Variants in PINX1 observed in about 807,000 individuals in gnomAD.
The protein encoded by PINX1 is PIN2/TERF1-interacting telomerase inhibitor 1.
PINX1 carries 34 observed loss-of-function variants against 25.4 expected under a neutral mutation model. That is an observed-to-expected ratio of 1.34 (90% CI 1.02 to 1.78). The LOEUF (loss-of-function observed/expected upper bound fraction) is 1.78, where lower values mean the gene tolerates loss of function less well. PINX1 is among the 40% of genes most tolerant of loss of function. The pLI is 0.00. For missense variants in PINX1, 592 were observed against 404.9 expected, an observed-to-expected ratio of 1.46 and a Z score of -3.97; for synonymous variants, 197 against 147.7, an observed-to-expected ratio of 1.33 and a Z score of -2.42.
At chr8:10,815,310 A>G (rs781054283) in intron 6 of PINX1, among the ~76,000 whole-genome samples, 19 of 152,226 alleles carry the variant, frequency 1.2e-4, no homozygotes, top group Non-Finnish European at 2.1e-4. Context: ...TTTCATAAAC[A>G]TGTCCTAGAA....
intron 6 of PINX1, among the ~76,000 whole-genome samples, chr8:10,789,164 C>T (rs570497139): frequency 1.2e-4 from 18 of 152,202 alleles, no homozygotes; most frequent in Non-Finnish European, 2.4e-4. Flanking sequence ...AAGACTCCCA[C>T]CTTCTCCAAG....
chr8:10,810,925 G>C (rs1029151934), intron 6 of PINX1, among the ~76,000 whole-genome samples: 8 of 152,218 alleles, frequency 5.3e-5, no homozygotes, highest in Non-Finnish European at 8.8e-5. Flanking sequence ...CACTCAGTAG[G>C]TTTATATTAA....
At chr8:10,822,065 A>G (rs1797895095) in intron 5 of PINX1, 1 of 152,242 alleles carries the variant, frequency 6.6e-6, no homozygotes, top group Non-Finnish European at 1.5e-5. Context: ...AGCCTTTAGC[A>G]AAGTTCACTT....
At chr8:10,786,803 C>T (rs1287417487) in intron 6 of PINX1, among the ~76,000 whole-genome samples, 1 of 152,238 alleles carries the variant, frequency 6.6e-6, no homozygotes. Context: ...TGCAGGCCAA[C>T]TCCCAGGAAC....
intron 4 of PINX1, among the ~76,000 whole-genome samples, chr8:10,831,396 T>G (rs533833568): frequency 1.3e-5 from 2 of 152,286 alleles, no homozygotes; most frequent in African/African-American, 4.8e-5. Context: ...CTATAATAAA[T>G]AATATTTTAT....
intron 6 of PINX1, among the ~76,000 whole-genome samples, chr8:10,791,807 G>C (rs1319394511): frequency 6.6e-6 from 1 of 152,156 alleles, no homozygotes; most frequent in African/African-American, 2.4e-5. Context: ...CACTGCGCGA[G>C]GCAAAGGACT....
At chr8:10,803,596 C>A (rs910636551) in intron 6 of PINX1, among the ~76,000 whole-genome samples, 4 of 152,138 alleles carry the variant, frequency 2.6e-5, no homozygotes, top group African/African-American at 9.7e-5. Flanking sequence ...AAGATTGCAT[C>A]TCTATAACTT....
intron 6 of PINX1, among the ~76,000 whole-genome samples, chr8:10,776,161 C>T (rs1271404472): frequency 6.6e-6 from 1 of 152,176 alleles, no homozygotes; most frequent in Non-Finnish European, 1.5e-5. Flanking sequence ...GGCGCTGGCT[C>T]ACACCTGTAA....
intron 6 of PINX1, among the ~76,000 whole-genome samples, chr8:10,771,819 C>A (rs1801232035): frequency 6.6e-6 from 1 of 152,246 alleles, no homozygotes; most frequent in Admixed American, 6.5e-5. Context: ...CCACCCCCTT[C>A]TCATCAGATA....
At chr8:10,784,920 C>G (rs1158010290) in intron 6 of PINX1, among the ~76,000 whole-genome samples, 1 of 152,192 alleles carries the variant, frequency 6.6e-6, no homozygotes, top group Non-Finnish European at 1.5e-5. Flanking sequence ...AGAGACTGCC[C>G]GCTGTTCGAA....
intron 4 of PINX1, among the ~76,000 whole-genome samples, chr8:10,826,778 C>A (rs145563592): frequency 6.6e-6 from 1 of 152,308 alleles, no homozygotes; most frequent in East Asian, 1.9e-4. Context: ...ATCTACAGAA[C>A]ATTCTCGACA....
intron 6 of PINX1, among the ~76,000 whole-genome samples, chr8:10,791,931 C>T (rs1801935604): frequency 2.0e-5 from 3 of 152,186 alleles, no homozygotes; most frequent in Non-Finnish European, 4.4e-5. Context: ...ACCCCCAGGA[C>T]AACATGCCCC....
At chr8:10,767,532 C>A (rs78796810) in intron 6 of PINX1, among the ~76,000 whole-genome samples, 2,362 of 152,224 alleles carry the variant, frequency 0.016, 54 homozygotes, top group African/African-American at 0.054. Flanking sequence ...TGCTGGAATT[C>A]CATAGGGTGA....
At chr8:10,839,703 C>G in intron 1 of PINX1, 35 bp downstream of exon 1, 1 of 1,593,764 alleles carries the variant, frequency 6.3e-7, no homozygotes, top group Non-Finnish European at 8.5e-7. Flanking sequence ...TCTTCACCAA[C>G]GCGCCTGGGT....
intron 3 of PINX1, among the ~76,000 whole-genome samples, chr8:10,832,174 T>C (rs1307196470): frequency 1.3e-5 from 2 of 152,150 alleles, no homozygotes; most frequent in South Asian, 2.1e-4. Context: ...TTCTAATGAC[T>C]TGCATCAACT....
intron 5 of PINX1, among the ~76,000 whole-genome samples, chr8:10,824,530 G>C (rs752495662): frequency 4.6e-5 from 7 of 152,202 alleles, no homozygotes; most frequent in Non-Finnish European, 7.3e-5. Flanking sequence ...CTGGAAGACA[G>C]AAAACGAAGG....
At chr8:10,790,922 G>C (rs1394670566) in intron 6 of PINX1, among the ~76,000 whole-genome samples, 1 of 151,970 alleles carries the variant, frequency 6.6e-6, no homozygotes, top group African/African-American at 2.4e-5. Context: ...CCCTCCCCCA[G>C]TTTTTATTGA....
intron 4 of PINX1, among the ~76,000 whole-genome samples, chr8:10,826,715 C>A (rs1444245603): frequency 6.6e-6 from 1 of 152,158 alleles, no homozygotes; most frequent in African/African-American, 2.4e-5. Context: ...AAAACAAACT[C>A]CAGGGCATTG....
chr8:10,798,048 C>A (rs141126018), intron 6 of PINX1, among the ~76,000 whole-genome samples: 1 of 152,222 alleles, frequency 6.6e-6, no homozygotes, highest in Admixed American at 6.5e-5. Flanking sequence ...GTAACAGCTA[C>A]ACTAGAAGTG....
Sources: allele counts gnomAD v4.1 joint callset (sites outside exome capture counted in the v4.1 genomes callset), GRCh38; gene constraint gnomAD v4.1.1; transcripts MANE v1.5; gene names NCBI Gene and HGNC (gene_info 2026-07-23, HGNC 2026-07-21).